DHX33: variants seen among roughly 807,000 people sequenced by gnomAD.
The protein encoded by DHX33 is ATP-dependent RNA helicase DHX33.
DHX33 carries 42 observed loss-of-function variants against 72.5 expected under a neutral mutation model. That is an observed-to-expected ratio of 0.58 (90% confidence interval 0.45 to 0.75). The LOEUF (loss-of-function observed/expected upper bound fraction) is 0.75. Among genes scored for constraint, DHX33 ranks in the 30% least tolerant of loss-of-function variants. DHX33 has a pLI of 0.00. For synonymous variants in DHX33, 358 were observed against 366.1 expected (o/e 0.98, Z 0.25); for missense variants, 842 against 917.5 (o/e 0.92, Z 1.06).
At chr17:5,464,565 A>G (rs1002699045) in intron 1 of DHX33, among the ~76,000 whole-genome samples, 2 of 152,218 alleles carry the variant, frequency 1.3e-5, no homozygotes, top group Middle Eastern at 3.2e-3. Context: ...TTCTACTTGC[A>G]GAAATTGATT....
rs756599262 is a variant in DHX33 at position 5,448,822 on chromosome 17, T to C, written c.1802A>G (p.Asp601Gly). 1 of 1,610,882 alleles carries C rather than the reference T, an allele frequency of 6.2e-7. No individual in the cohort carries two copies. Among genetic ancestry groups the C allele is most frequent in the East Asian group, 2.2e-5 (1 of 44,520 alleles). The change falls in exon 11 of 12, where the codon GAC (aspartate) becomes GGC (glycine). Residue 601 changes from aspartate (D) to glycine (G), a missense_variant. By Grantham distance (94) the Asp-to-Gly change is moderately conservative (BLOSUM62 -1). Transcript: ENST00000225296. ...ACCAGACGATACCTTTAAGCAGATG[T>C]CCCTCAGCTGTGCTCTGACTTCTGC... ...LVAEVRAQLRDICLKMSMPIA... is the reference protein window; with the variant it reads ...LVAEVRAQLRGICLKMSMPIA...
chr17:5,462,553 A>T lies in DHX33; in HGVS notation c.451-7T>A. ...AGCGCACTGTATAGCCAACCTGTGC[A>T]GGGAAACAATTTATTCAGTCACCAA... On this transcript the variant is annotated splice_region_variant and splice_polypyrimidine_tract_variant and intron_variant, in intron 2 of 11. Coordinates refer to ENST00000225296, the MANE Select transcript of DHX33 (RefSeq NM_020162.4). The T allele has an allele frequency of 6.2e-7, 1 of 1,607,614 alleles. No individual in the cohort carries two copies. Among genetic ancestry groups the T allele is most frequent in the Non-Finnish European group, 8.5e-7 (1 of 1,174,456 alleles).
At chr17:5,449,399 A>G (rs1376856173) in intron 10 of DHX33, among the ~76,000 whole-genome samples, 1 of 147,238 alleles carries the variant, frequency 6.8e-6, no homozygotes, top group East Asian at 2.9e-4. Flanking sequence ...AGAAAACAAA[A>G]CAGAAATGCC....
chr17:5,456,236 C>T lies in DHX33; in HGVS notation c.850-54G>A, dbSNP rs184002690. 6.8e-4 allele frequency: 1,044 copies of T among 1,539,692 alleles called. 8 individuals carry two copies. Among genetic ancestry groups the T allele is most frequent in the Non-Finnish European group, 7.8e-5 (87 of 1,118,772 alleles). The stretch of plus-strand genomic sequence containing the variant: ...GGCATTGATAGAATTGCAGCTTGCA[C>T]AGAAAAAGACAATGGTGATTGATGA... On this transcript the variant is annotated intron_variant, in intron 4 of 11. Transcript: ENST00000225296.
At chr17:5,450,963 C>A in intron 8 of DHX33, 29 bp from the exon 9 acceptor site, 2 of 1,598,486 alleles carry the variant, frequency 1.3e-6, no homozygotes, top group Admixed American at 1.8e-5. Flanking sequence ...AAAAAGGAGC[C>A]AAAAGTCCAA....
In DHX33 at chr17:5,444,860, G is replaced by A. The variant is rs529839457; in HGVS notation, c.1816-347C>T. ...CGGAAAGGAAAGGCCCTTCCCTCTC[G>A]CTTTGACCATCTCACCATCTCCTCA... On this transcript the variant is annotated intron_variant, in intron 11 of 11. Coordinates refer to ENST00000225296, the MANE Select transcript of DHX33 (RefSeq NM_020162.4). The surrounding 1 kb of genome is among the most constrained non-coding windows in gnomAD (Gnocchi z 4.9). Among the ~76,000 whole-genome samples, 3 of 152,064 alleles carry A rather than the reference G, an allele frequency of 2.0e-5. No individual in the cohort carries two copies. The highest frequency in any genetic ancestry group is 2.9e-5 in the Non-Finnish European group (2 of 68,010).
chr17:5,456,135 C>T lies in DHX33; in HGVS notation c.897G>A (p.Glu299=). 3 of 1,614,186 alleles carry T rather than the reference C, an allele frequency of 1.9e-6. No individual in the cohort carries two copies. Among genetic ancestry groups the T allele is most frequent in the East Asian group, 2.2e-5 (1 of 44,888 alleles). ...ACGTCTTGCTCATGGCTTCGATCTC[C>T]TCCTGCCCAGTGAGGAACACCAGGA... ...QDILVFLTGQ[E]EIEAMSKTCR... is the part of the protein sequence containing the mutation. The change falls in exon 5 of 12, where the codon GAG becomes GAA. Residue 299 remains glutamate (E), a synonymous_variant. Transcript: ENST00000225296.
chr17:5,451,011 C>A, intron 8 of DHX33, 77 bp from the exon 9 acceptor site: 1 of 1,549,468 alleles, frequency 6.5e-7, no homozygotes, highest in South Asian at 1.2e-5. Flanking sequence ...TTTCTGGGAG[C>A]TTCTGATAAT....
chr17:5,454,153 A>G (rs1257201378), intron 6 of DHX33, among the ~76,000 whole-genome samples, 173 bp from the exon 7 acceptor site: 1 of 152,238 alleles, frequency 6.6e-6, no homozygotes. Flanking sequence ...GTTTGGCCCT[A>G]GTGAAACAAG....
At chr17:5,457,814 A>C (rs560573581) in intron 4 of DHX33, among the ~76,000 whole-genome samples, 2 of 152,346 alleles carry the variant, frequency 1.3e-5, no homozygotes, top group South Asian at 4.2e-4. Context: ...AGAATTCATC[A>C]AAGCCAGTGG....
chr17:5,454,003 T>C, intron 6 of DHX33, 23 bp from the exon 7 acceptor site: 1 of 1,609,708 alleles, frequency 6.2e-7, no homozygotes, highest in South Asian at 1.1e-5. Context: ...TGAGCCCCAT[T>C]AGTGCTTCAT....
Position 5,462,515 on chromosome 17 carries a change from G to A in DHX33, c.482C>T (p.Thr161Ile). Residue 161 changes from threonine to isoleucine, a missense_variant, in exon 3 of 12, where the codon ACC becomes ATC. Thr to Ile is a moderately conservative substitution (Grantham distance 89). Transcript: ENST00000225296. ...VGYTVRFDDV[T>I]SEDTRIKFLT... ...AAACTTGATCCTGGTGTCTTCTGAG[G>A]TGACATCATCAAAGCGCACTGTATA... 6.2e-7 allele frequency: 1 copy of A among 1,614,138 alleles called. No individual in the cohort carries two copies. Among genetic ancestry groups the A allele is most frequent in the Non-Finnish European group, 8.5e-7 (1 of 1,180,002 alleles).
At chr17:5,460,163 C>T (rs1209788810) in intron 4 of DHX33, among the ~76,000 whole-genome samples, 1 of 151,864 alleles carries the variant, frequency 6.6e-6, no homozygotes, top group Non-Finnish European at 1.5e-5. Flanking sequence ...TACAGGCGCC[C>T]GCTACCACAC....
intron 4 of DHX33, among the ~76,000 whole-genome samples, chr17:5,460,503 GT>G (rs934730522): frequency 2.8e-5 from 4 of 144,788 alleles, no homozygotes; most frequent in East Asian, 2.0e-4. Flanking sequence ...CTTATTCATT[GT>G]TTTTTTTTTG....
chr17:5,453,585 G>C lies in DHX33; in HGVS notation c.1391C>G (p.Ser464Cys), dbSNP rs781328671. Reference protein sequence around the residue: ...VLTFDFMSKPSPDHIQAAIAQ... With the variant: ...VLTFDFMSKPCPDHIQAAIAQ... ...AAACTGTGGATTTCACTTACCTGGA[G>C]ATGGCTTCGACATGAAGTCAAAGGT... The change falls in exon 8 of 12, where the codon TCT (serine) becomes TGT (cysteine). Residue 464 changes from serine (S) to cysteine (C), a missense_variant. Ser to Cys is a moderately radical substitution (Grantham distance 112, BLOSUM62 -1). Coordinates refer to ENST00000225296, the MANE Select transcript of DHX33 (RefSeq NM_020162.4). 6.2e-7 allele frequency: 1 copy of C among 1,614,080 alleles called. No individual in the cohort carries two copies. Among genetic ancestry groups the C allele is most frequent in the East Asian group, 2.2e-5 (1 of 44,886 alleles).
intron 4 of DHX33, among the ~76,000 whole-genome samples, chr17:5,460,374 G>A (rs905993310): frequency 6.6e-6 from 1 of 152,136 alleles, no homozygotes; most frequent in Non-Finnish European, 1.5e-5. Flanking sequence ...GCTTTAACAT[G>A]AAAATTTTCT....
intron 11 of DHX33, among the ~76,000 whole-genome samples, chr17:5,445,768 C>T (rs58126815): frequency 0.08 from 12,249 of 152,166 alleles, 601 homozygotes; most frequent in East Asian, 0.18. Context: ...GAAGGAGGCA[C>T]GCAGAGGGCA....
intron 3 of DHX33, 172 bp from the exon 4 acceptor site, chr17:5,461,281 C>A: frequency 3.9e-6 from 2 of 513,040 alleles, no homozygotes; most frequent in Non-Finnish European, 6.5e-6. Flanking sequence ...CTAGAGCACA[C>A]AGGTCTGTTT....
At position 5,442,630 on chromosome 17, in the gene DHX33, C is replaced by A. The variant is rs1307450234; in HGVS notation, c.*1575G>T. On this transcript the variant is annotated 3_prime_UTR_variant, in exon 12 of 12. Transcript: ENST00000225296. Reference sequence around the variant, plus strand: ...GGACAGATGGGACCCTGGAATGGGGCTGCTCCATCAGGCCACAGCTTCCAG... The same window carrying A: ...GGACAGATGGGACCCTGGAATGGGGATGCTCCATCAGGCCACAGCTTCCAG... The A allele has an allele frequency of 6.6e-6, 1 of 152,184 alleles. No individual in the cohort carries two copies. Among genetic ancestry groups the A allele is most frequent in the East Asian group, 1.9e-4 (1 of 5,190 alleles). The allele number at this position is 152,184 out of a possible 1,614,324, so 9.4% of individuals were successfully genotyped here. A position where few individuals can be genotyped will look rare whatever the true frequency, so the allele number is the denominator to read the frequency against.
Sources: gnomAD v4.1 joint callset for allele counts (sites outside exome capture counted in the v4.1 genomes callset) on GRCh38, gnomAD v4.1.1 for gene constraint, Gnocchi (gnomAD v3.1) non-coding constraint, MANE v1.5 for transcripts, NCBI Gene and HGNC (gene_info 2026-07-23, HGNC 2026-07-21) for gene names.